Variants in STK33 observed in about 807,000 individuals in gnomAD.
STK33 encodes serine/threonine kinase 33.
Under a neutral mutation model 58.0 loss-of-function variants are expected in STK33, and 52 were observed. That is an observed-to-expected ratio of 0.90 (90% CI 0.72 to 1.13). The LOEUF (loss-of-function observed/expected upper bound fraction) is 1.13, where lower values mean the gene tolerates loss of function less well. STK33 is among the 50% of genes most tolerant of loss of function. The pLI is 0.00. For missense variants in STK33, 630 were observed against 604.2 expected, an observed-to-expected ratio of 1.04 and a Z score of -0.45; for synonymous variants, 215 against 200.1, an observed-to-expected ratio of 1.07 and a Z score of -0.63.
At chr11:8,583,901 AT>A (rs1325706557) in intron 1 of STK33, among the ~76,000 whole-genome samples, 1 of 152,200 alleles carries the variant, frequency 6.6e-6, no homozygotes, top group African/African-American at 2.4e-5. Context: ...AACAGAGATA[AT>A]ATGGGACTAA....
At chr11:8,356,281 G>A in the STK33 span, among the ~76,000 whole-genome samples, 1 of 152,282 alleles carries the variant, frequency 6.6e-6, no homozygotes, top group South Asian at 2.1e-4. Context: ...CTTTGACTGT[G>A]AGCCTGGAGC....
At chr11:8,337,521 T>G in the STK33 span, among the ~76,000 whole-genome samples, 2 of 151,944 alleles carry the variant, frequency 1.3e-5, no homozygotes, top group Admixed American at 1.3e-4. Flanking sequence ...GAGCCAGCAC[T>G]TTCTGTGGAG....
At chr11:8,375,967 T>C in the STK33 span, among the ~76,000 whole-genome samples, 5 of 152,162 alleles carry the variant, frequency 3.3e-5, no homozygotes, top group Non-Finnish European at 7.4e-5. Context: ...CCAGGAGAGT[T>C]GGGAAACTCA....
At chr11:8,511,960 A>G (rs1952364764) in intron 1 of STK33, among the ~76,000 whole-genome samples, 1 of 152,138 alleles carries the variant, frequency 6.6e-6, no homozygotes, top group South Asian at 2.1e-4. Flanking sequence ...CTAAGATATA[A>G]AAATGGAAAT....
intron 1 of STK33, among the ~76,000 whole-genome samples, chr11:8,558,691 G>A (rs1184627033): frequency 1.3e-5 from 2 of 152,142 alleles, no homozygotes. Flanking sequence ...ATGTACATGT[G>A]TCCGTTTTGT....
the STK33 span, among the ~76,000 whole-genome samples, chr11:8,363,233 A>G: frequency 6.6e-6 from 1 of 152,220 alleles, no homozygotes; most frequent in Non-Finnish European, 1.5e-5. Context: ...GGCCAGCCAC[A>G]TGGAATACTG....
the STK33 span, among the ~76,000 whole-genome samples, chr11:8,383,492 G>C: frequency 6.6e-6 from 1 of 152,196 alleles, no homozygotes; most frequent in Non-Finnish European, 1.5e-5. Flanking sequence ...CTGCACTGAG[G>C]AAGAGTTGGG....
At chr11:8,353,975 G>A in the STK33 span, among the ~76,000 whole-genome samples, 5 of 152,124 alleles carry the variant, frequency 3.3e-5, no homozygotes, top group Non-Finnish European at 5.9e-5. Flanking sequence ...TGGGGACAAG[G>A]GTCAGGTTTC....
the STK33 span, among the ~76,000 whole-genome samples, chr11:8,359,650 C>T: frequency 6.6e-6 from 1 of 152,192 alleles, no homozygotes; most frequent in Non-Finnish European, 1.5e-5. Flanking sequence ...TCTGGAGCGA[C>T]CATGTAGAGC....
the STK33 span, among the ~76,000 whole-genome samples, chr11:8,378,227 G>A: frequency 1.3e-5 from 2 of 152,282 alleles, no homozygotes; most frequent in East Asian, 1.9e-4. Context: ...GTGGGGGGAA[G>A]CCCCTTAAAA....
At chr11:8,353,032 C>T in the STK33 span, among the ~76,000 whole-genome samples, 257 of 152,310 alleles carry the variant, frequency 1.7e-3, 1 homozygote, top group African/African-American at 5.8e-3. Flanking sequence ...CATGGACCAG[C>T]GGCTTGAGGT....
intron 10 of STK33, among the ~76,000 whole-genome samples, chr11:8,453,988 A>T (rs1222022951): frequency 6.6e-6 from 1 of 152,222 alleles, no homozygotes; most frequent in African/African-American, 2.4e-5. Flanking sequence ...AAGTGAACAC[A>T]TACTATGTTC....
chr11:8,366,928 T>A, the STK33 span, among the ~76,000 whole-genome samples: 1 of 152,068 alleles, frequency 6.6e-6, no homozygotes, highest in East Asian at 1.9e-4. Flanking sequence ...CTTGTGAGAG[T>A]CTGAGGCCTT....
At chr11:8,527,293 G>A (rs1014712536) in intron 1 of STK33, among the ~76,000 whole-genome samples, 5 of 152,090 alleles carry the variant, frequency 3.3e-5, no homozygotes, top group Non-Finnish European at 5.9e-5. Context: ...AAAAGATAGA[G>A]GGAAAGAAAG....
chr11:8,361,302 C>T, the STK33 span, among the ~76,000 whole-genome samples: 6 of 152,146 alleles, frequency 3.9e-5, no homozygotes, highest in African/African-American at 1.2e-4. The surrounding 1 kb of genome is among the most constrained non-coding windows in gnomAD (Gnocchi z 4.8). Flanking sequence ...CTCAGAGACC[C>T]GCCTGAGCCT....
At chr11:8,593,557 G>A (rs2032949553) in intron 1 of STK33, among the ~76,000 whole-genome samples, 1 of 152,138 alleles carries the variant, frequency 6.6e-6, no homozygotes, top group African/African-American at 2.4e-5. Flanking sequence ...CCTGTCCACA[G>A]AGCCAGTACG....
chr11:8,380,821 T>C, the STK33 span, among the ~76,000 whole-genome samples: 1 of 152,174 alleles, frequency 6.6e-6, no homozygotes, highest in East Asian at 1.9e-4. Context: ...ATTGCAAAGA[T>C]ACGGAACCAA....
intron 15 of STK33, among the ~76,000 whole-genome samples, chr11:8,396,880 G>A (rs968999230): frequency 1.3e-5 from 2 of 152,206 alleles, no homozygotes; most frequent in African/African-American, 4.8e-5. Flanking sequence ...ACAGCAGTCT[G>A]AGATCAAACT....
intron 1 of STK33, among the ~76,000 whole-genome samples, chr11:8,520,311 T>A (rs1210617419): frequency 2.0e-5 from 3 of 152,174 alleles, no homozygotes; most frequent in Admixed American, 6.5e-5. Context: ...TGCTAAAAAC[T>A]CTCAATAAAC....
Sources: gnomAD v4.1 joint callset for allele counts (sites outside exome capture counted in the v4.1 genomes callset) on GRCh38, gnomAD v4.1.1 for gene constraint, Gnocchi (gnomAD v3.1) non-coding constraint, MANE v1.5 for transcripts, NCBI Gene and HGNC (gene_info 2026-07-23, HGNC 2026-07-21) for gene names.